Variants in TRHDE observed in about 807,000 individuals in gnomAD.
The protein encoded by TRHDE is thyrotropin releasing hormone degrading enzyme.
Under a neutral mutation model 125.7 loss-of-function variants are expected in TRHDE, and 72 were observed. That is an observed-to-expected ratio of 0.57 (90% CI 0.47 to 0.70). The LOEUF (loss-of-function observed/expected upper bound fraction) is 0.70, where lower values mean the gene tolerates loss of function less well. Ranked by LOEUF, TRHDE falls within the 30% of genes least tolerant of loss-of-function variation. The pLI is 0.00. For synonymous variants in TRHDE, 509 were observed against 509.1 expected, an observed-to-expected ratio of 1.00 and a Z score of 0.00; for missense variants, 1,110 against 1,327.1, an observed-to-expected ratio of 0.84 and a Z score of 2.54.
chr12:72,538,331 T>C (rs565658558), intron 6 of TRHDE, among the ~76,000 whole-genome samples: 42 of 152,144 alleles, frequency 2.8e-4, no homozygotes, highest in South Asian at 8.3e-4. Context: ...ATGTCTTCTA[T>C]GACACTGCTT....
In TRHDE at chr12:72,640,459, C is replaced by T. The variant is rs911314126; in HGVS notation, c.2676-11863C>T. Among the ~76,000 whole-genome samples the T allele has an allele frequency of 5.9e-5, 9 of 152,244 alleles. No individual in the cohort carries two copies. The South Asian group carries it at 6.2e-4, about 10-fold the overall frequency. On this transcript the variant is annotated intron_variant, in intron 15 of 18. Coordinates refer to ENST00000261180, the MANE Select transcript of TRHDE (RefSeq NM_013381.3). ...CTCAGATGGAAATGCAGAAATCACC[C>T]GTCTTCTGCATCGCTCACACTGGGA...
intron 1 of TRHDE, among the ~76,000 whole-genome samples, chr12:72,096,650 T>C (rs1291462603): frequency 6.6e-6 from 1 of 152,224 alleles, no homozygotes; most frequent in African/African-American, 2.4e-5. Context: ...CCCAGGTCCT[T>C]TGCATCCTCC....
At chr12:72,530,481 G>A (rs992376665) in intron 6 of TRHDE, among the ~76,000 whole-genome samples, 1 of 74,762 alleles carries the variant, frequency 1.3e-5, no homozygotes, top group Non-Finnish European at 2.4e-5. Flanking sequence ...TCATCTCTTT[G>A]AGGAACTTAA....
At chr12:72,143,266 G>A (rs192590856) in intron 2 of TRHDE, among the ~76,000 whole-genome samples, 42 of 152,234 alleles carry the variant, frequency 2.8e-4, no homozygotes, top group African/African-American at 9.6e-4. Flanking sequence ...CACACATCTT[G>A]TGACAAGGAT....
intron 2 of TRHDE, among the ~76,000 whole-genome samples, chr12:72,323,285 C>T (rs979756092): frequency 6.6e-6 from 1 of 152,126 alleles, no homozygotes; most frequent in Non-Finnish European, 1.5e-5. Context: ...ATATGGATGG[C>T]AGAGTGGCTT....
Position 72,138,211 on chromosome 12 carries a change from C to T in TRHDE, n.279+32459C>T, listed in dbSNP as rs147159862. On this transcript the variant is annotated intron_variant and non_coding_transcript_variant, in intron 2 of 4. Transcript: ENST00000548156. ...CAAACATGGTGAAACCCTGTCTCTA[C>T]TAAAATACAAAAAATTAGCCACACG... Among the ~76,000 whole-genome samples the T allele has an allele frequency of 5.8e-3, 878 of 152,164 alleles. 6 individuals are homozygous for T. Among genetic ancestry groups the T allele is most frequent in the African/African-American group, 0.02 (818 of 41,518 alleles).
chr12:72,394,331 C>T (rs568839819), intron 3 of TRHDE, among the ~76,000 whole-genome samples: 2 of 152,192 alleles, frequency 1.3e-5, no homozygotes, highest in East Asian at 1.9e-4. Context: ...ATGAATTGCA[C>T]ACCTTTTACC....
At chr12:72,487,627 G>T (rs965521168) in intron 5 of TRHDE, among the ~76,000 whole-genome samples, 2 of 151,966 alleles carry the variant, frequency 1.3e-5, no homozygotes, top group African/African-American at 2.4e-5. Context: ...ATACTTACAA[G>T]AAATACTTAA....
intron 12 of TRHDE, among the ~76,000 whole-genome samples, chr12:72,605,769 G>A (rs1872412584): frequency 6.6e-6 from 1 of 151,998 alleles, no homozygotes; most frequent in Non-Finnish European, 1.5e-5. Context: ...GAAAATGCAT[G>A]ACACACATAG....
chr12:72,231,927 A>G (rs1407925240), intron 2 of TRHDE, among the ~76,000 whole-genome samples: 1 of 152,182 alleles, frequency 6.6e-6, no homozygotes, highest in East Asian at 1.9e-4. Flanking sequence ...AGCAGACCCA[A>G]GACCTAGTCT....
chr12:72,568,075 G>A (rs1870535612), intron 9 of TRHDE, among the ~76,000 whole-genome samples: 1 of 151,886 alleles, frequency 6.6e-6, no homozygotes, highest in Admixed American at 6.6e-5. Flanking sequence ...TTTCTGCTGA[G>A]TAACTTTAGA....
At chr12:72,293,692 C>T (rs1040768275) in intron 2 of TRHDE, among the ~76,000 whole-genome samples, 4 of 152,174 alleles carry the variant, frequency 2.6e-5, no homozygotes, top group Admixed American at 2.0e-4. Flanking sequence ...CTGTGTATAG[C>T]ATGCACATGT....
intron 2 of TRHDE, among the ~76,000 whole-genome samples, chr12:72,370,264 A>G (rs1488527615): frequency 1.3e-5 from 2 of 152,010 alleles, no homozygotes; most frequent in Non-Finnish European, 2.9e-5. Context: ...AAATCCATCT[A>G]TTTCTCTGCA....
intron 5 of TRHDE, among the ~76,000 whole-genome samples, chr12:72,498,963 A>ATGTGTGTG (rs72163048): frequency 2.7e-5 from 4 of 147,170 alleles, no homozygotes; most frequent in Non-Finnish European, 3.0e-5. Context: ...CAGAAAATAA[A>ATGTGTGTG]TGTGTGTGTG....
intron 2 of TRHDE, among the ~76,000 whole-genome samples, chr12:72,160,470 A>G (rs1274655846): frequency 6.6e-6 from 1 of 152,132 alleles, no homozygotes; most frequent in African/African-American, 2.4e-5. Flanking sequence ...GGATCACCTG[A>G]GGTCAGCAGT....
chr12:72,621,126 G>A lies in TRHDE; in HGVS notation c.2488G>A (p.Val830Ile). ...NIFNEYILKQ[V>I]ATTYIKLGWP... is the part of the protein sequence containing the mutation. ...CATTTAGGAATATATTTTAAAGCAA[G>A]TTGCAACAACATATATCAAGCTTGG... The change falls in exon 14 of 19, where the codon GTT (valine) becomes ATT (isoleucine). Residue 830 changes from valine (V) to isoleucine (I), a missense_variant. Physicochemically the swap from Val to Ile is conservative, Grantham distance 29. Transcript: ENST00000261180. The A allele has an allele frequency of 1.2e-6, 2 of 1,608,970 alleles. No homozygotes were observed. The highest frequency in any genetic ancestry group is 8.5e-7 in the Non-Finnish European group (1 of 1,176,250).
At chr12:72,657,725 G>A (rs921592292) in intron 18 of TRHDE, among the ~76,000 whole-genome samples, 4 of 152,122 alleles carry the variant, frequency 2.6e-5, no homozygotes, top group Non-Finnish European at 4.4e-5. Context: ...TTGCCATTAA[G>A]TCACCTCACT....
chr12:72,649,024 T>TA (rs933603161), intron 15 of TRHDE, among the ~76,000 whole-genome samples: 129 of 147,088 alleles, frequency 8.8e-4, no homozygotes, highest in Admixed American at 1.8e-3. Context: ...CAATGACACT[T>TA]AAAAAAAAAA....
chr12:72,469,544 A>G lies in TRHDE; in HGVS notation c.1316-214A>G, dbSNP rs139025224. ...GCTACCTATAGCACTGGGCTTGAAA[A>G]TGAACTGTGATGAATGGATATGACC... On this transcript the variant is annotated intron_variant, in intron 3 of 18. Coordinates refer to ENST00000261180, the MANE Select transcript of TRHDE (RefSeq NM_013381.3). 3.9e-4 allele frequency among the ~76,000 whole-genome samples: 60 copies of G among 152,324 alleles called. 2 individuals are homozygous for G. The East Asian group carries it at 0.011, about 28-fold the overall frequency.
Sources: allele counts gnomAD v4.1 joint callset (sites outside exome capture counted in the v4.1 genomes callset), GRCh38; gene constraint gnomAD v4.1.1; transcripts MANE v1.5; gene names NCBI Gene and HGNC (gene_info 2026-07-23, HGNC 2026-07-21).